Variants in TMEM17 observed in about 807,000 individuals in gnomAD.
TMEM17 encodes transmembrane protein 17.
Under a neutral mutation model 19.1 loss-of-function variants are expected in TMEM17, and 15 were observed. The observed-to-expected ratio is 0.78, with a 90% CI of 0.52 to 1.21. The LOEUF (loss-of-function observed/expected upper bound fraction) is 1.21, where lower values mean the gene tolerates loss of function less well. Ranked by LOEUF, TMEM17 falls within the 50% of genes most tolerant of loss-of-function variation. The pLI, the probability that TMEM17 is intolerant of heterozygous loss-of-function variation, is 0.00. For synonymous variants in TMEM17, 103 were observed against 86.9 expected, an observed-to-expected ratio of 1.19 and a Z score of -1.03; for missense variants, 245 against 242.3, an observed-to-expected ratio of 1.01 and a Z score of -0.07.
At chr2:62,469,773 G>A in the TMEM17 span, among the ~76,000 whole-genome samples, 1 of 152,242 alleles carries the variant, frequency 6.6e-6, no homozygotes, top group African/African-American at 2.4e-5. Context: ...TGGCTTTTCT[G>A]TTGGCTGACA....
chr2:62,499,234 CTTAATT>C (rs569819199), downstream of TMEM17, among the ~76,000 whole-genome samples: 523 of 152,144 alleles, frequency 3.4e-3, 3 homozygotes, highest in Middle Eastern at 0.044. Flanking sequence ...TTATTAATCT[CTTAATT>C]TTAAAGTTTA....
At chr2:62,455,445 G>A in the TMEM17 span, among the ~76,000 whole-genome samples, 5 of 152,170 alleles carry the variant, frequency 3.3e-5, no homozygotes, top group Admixed American at 2.6e-4. Flanking sequence ...ACATATATTT[G>A]GAGTATGTGC....
At chr2:62,454,907 T>C in the TMEM17 span, among the ~76,000 whole-genome samples, 1 of 152,184 alleles carries the variant, frequency 6.6e-6, no homozygotes, top group Non-Finnish European at 1.5e-5. Flanking sequence ...GGTTTCACTG[T>C]GTTAGCCCAG....
the TMEM17 span, among the ~76,000 whole-genome samples, chr2:62,494,194 T>C: frequency 3.0e-4 from 45 of 152,364 alleles, no homozygotes; most frequent in African/African-American, 1.0e-3. Context: ...GCTAATTAAA[T>C]TGTTGACTTT....
chr2:62,471,561 G>A, the TMEM17 span, among the ~76,000 whole-genome samples: 64,916 of 152,030 alleles, frequency 0.43, 14,714 homozygotes, highest in East Asian at 0.67. Flanking sequence ...TTCCTTGCAG[G>A]TAGGGCTGGG....
the TMEM17 span, among the ~76,000 whole-genome samples, chr2:62,469,187 A>G: frequency 6.6e-6 from 1 of 152,246 alleles, no homozygotes; most frequent in Non-Finnish European, 1.5e-5. Context: ...TAAATTGGCT[A>G]GTGGCATATT....
At chr2:62,475,677 C>T in the TMEM17 span, among the ~76,000 whole-genome samples, 3 of 152,234 alleles carry the variant, frequency 2.0e-5, no homozygotes, top group African/African-American at 7.2e-5. Flanking sequence ...AGAATGGGCT[C>T]TCTCTGGGCA....
At chr2:62,457,839 G>T in the TMEM17 span, among the ~76,000 whole-genome samples, 267 of 152,012 alleles carry the variant, frequency 1.8e-3, no homozygotes, top group African/African-American at 6.0e-3. This position sits in a 1 kb window ranked among gnomAD's most constrained non-coding sequence, Gnocchi z 4.2. Context: ...TCACTGCTTT[G>T]CCGCTGAACC....
chr2:62,501,387 T>C lies in TMEM17; in HGVS notation c.419A>G (p.Glu140Gly). 1.2e-6 allele frequency: 2 copies of C among 1,614,208 alleles called. No individual in the cohort carries two copies. Among genetic ancestry groups the C allele is most frequent in the Non-Finnish European group, 1.7e-6 (2 of 1,180,042 alleles). Residue 140 changes from glutamate to glycine, a missense_variant, in exon 4 of 4, where the codon GAA (glutamate) becomes GGA (glycine). By Grantham distance (98) the Glu-to-Gly change is moderately conservative. Coordinates refer to ENST00000335390, the MANE Select transcript of TMEM17 (RefSeq NM_198276.3). ...FNEGLTNLPL[E>G]KAIHIIFTLF... ...AGTGAAGATGATATGTATCGCTTTT[T>C]CCAAGGGCAGATTTGTTAGGCCTTC...
At chr2:62,467,869 G>C in the TMEM17 span, among the ~76,000 whole-genome samples, 1 of 150,740 alleles carries the variant, frequency 6.6e-6, no homozygotes, top group South Asian at 2.1e-4. Context: ...GAGCATGTGG[G>C]CATGCCATCT....
At chr2:62,460,888 C>T in the TMEM17 span, among the ~76,000 whole-genome samples, 1 of 152,150 alleles carries the variant, frequency 6.6e-6, no homozygotes, top group Non-Finnish European at 1.5e-5. Flanking sequence ...GGAACAGCCC[C>T]TACTTCTGTC....
chr2:62,465,720 A>G, the TMEM17 span, among the ~76,000 whole-genome samples: 1 of 152,212 alleles, frequency 6.6e-6, no homozygotes, highest in Admixed American at 6.5e-5. Flanking sequence ...ATGCTCAAGA[A>G]GTTTGACCCT....
the TMEM17 span, among the ~76,000 whole-genome samples, chr2:62,453,697 C>T: frequency 6.6e-6 from 1 of 152,324 alleles, no homozygotes; most frequent in Non-Finnish European, 1.5e-5. Flanking sequence ...CTCCTTTACT[C>T]TTAAAAGTGG....
the TMEM17 span, among the ~76,000 whole-genome samples, chr2:62,487,370 C>G: frequency 6.6e-6 from 1 of 152,262 alleles, no homozygotes; most frequent in East Asian, 1.9e-4. Context: ...GTGATTGCAT[C>G]GGATAATCCA....
At chr2:62,485,893 G>A in the TMEM17 span, among the ~76,000 whole-genome samples, 1 of 152,196 alleles carries the variant, frequency 6.6e-6, no homozygotes, top group African/African-American at 2.4e-5. Flanking sequence ...CAGAGCCAGT[G>A]CCTGTGTCAT....
chr2:62,468,590 G>T, the TMEM17 span, among the ~76,000 whole-genome samples: 1 of 152,228 alleles, frequency 6.6e-6, no homozygotes, highest in South Asian at 2.1e-4. Context: ...TGTTGGGGGA[G>T]AGGGTTGTCA....
At chr2:62,463,925 T>C in the TMEM17 span, 4 of 152,294 alleles carry the variant, frequency 2.6e-5, no homozygotes, top group African/African-American at 9.6e-5. Context: ...GAGGTGCAGC[T>C]TGATGGTGTA....
At chr2:62,470,715 G>A in the TMEM17 span, among the ~76,000 whole-genome samples, 3 of 152,176 alleles carry the variant, frequency 2.0e-5, no homozygotes, top group Admixed American at 6.5e-5. Flanking sequence ...CAAGACCACA[G>A]CCCCTCACAA....
chr2:62,460,885 C>G, the TMEM17 span, among the ~76,000 whole-genome samples: 1 of 152,194 alleles, frequency 6.6e-6, no homozygotes, highest in African/African-American at 2.4e-5. Context: ...GGTGGAACAG[C>G]CCCTACTTCT....
Sources: allele counts gnomAD v4.1 joint callset (sites outside exome capture counted in the v4.1 genomes callset), GRCh38; gene constraint gnomAD v4.1.1; non-coding constraint Gnocchi (gnomAD v3.1); transcripts MANE v1.5; gene names NCBI Gene and HGNC (gene_info 2026-07-23, HGNC 2026-07-21).